The following COL8A1 variants were observed in gnomAD, a reference collection of about 807,000 sequenced individuals.
COL8A1 encodes the protein collagen alpha-1(VIII) chain.
Under a neutral mutation model 42.7 loss-of-function variants are expected in COL8A1, and 21 were observed. That is an observed-to-expected ratio of 0.49 (90% CI 0.35 to 0.71). The LOEUF is 0.71. COL8A1 is among the 30% of genes least tolerant of loss of function. The pLI is 0.01. For missense variants in COL8A1, 788 were observed against 962.4 expected (o/e 0.82, Z 2.40); for synonymous variants, 367 against 369.1 (o/e 0.99, Z 0.06).
chr3:99,725,901 A>G (rs971716703), intron 1 of COL8A1, among the ~76,000 whole-genome samples: 1 of 152,116 alleles, frequency 6.6e-6, no homozygotes. Flanking sequence ...TTATAGCAGC[A>G]TGATTTATAA....
At chr3:99,709,450 T>C (rs1349078164) in intron 1 of COL8A1, among the ~76,000 whole-genome samples, 2 of 152,194 alleles carry the variant, frequency 1.3e-5, no homozygotes, top group African/African-American at 4.8e-5. Flanking sequence ...GGGACATAGT[T>C]GGGTTTTCAA....
intron 1 of COL8A1, among the ~76,000 whole-genome samples, chr3:99,725,156 T>C (rs1419963418): frequency 1.3e-5 from 2 of 152,024 alleles, no homozygotes; most frequent in Non-Finnish European, 2.9e-5. Context: ...AATCAAATTT[T>C]ACCTTGGATT....
chr3:99,736,875 T>C (rs550446021), intron 1 of COL8A1, among the ~76,000 whole-genome samples: 1 of 152,304 alleles, frequency 6.6e-6, no homozygotes, highest in Admixed American at 6.5e-5. Flanking sequence ...CTAAGTCTCT[T>C]TGTAGGTCAT....
intron 1 of COL8A1, among the ~76,000 whole-genome samples, chr3:99,653,962 T>G (rs1337618495): frequency 1.3e-5 from 2 of 152,092 alleles, no homozygotes; most frequent in Non-Finnish European, 2.9e-5. Flanking sequence ...GTCTGCAAGC[T>G]GGGGAGCAAG....
chr3:99,795,784 C>A lies in COL8A1; in HGVS notation c.1883C>A (p.Pro628Gln). The A allele has an allele frequency of 6.2e-7, 1 of 1,614,072 alleles. No individual in the cohort carries two copies. Among genetic ancestry groups the A allele is most frequent in the Admixed American group, 1.7e-5 (1 of 60,030 alleles). ...GCCGAGCTAACCGCACCTTTCCCACCGGTGGGGGCCCCAGTGAAGTTTAAC... is the reference window on the plus strand; with the variant it reads ...GCCGAGCTAACCGCACCTTTCCCACAGGTGGGGGCCCCAGTGAAGTTTAAC... ...FTAELTAPFP[P>Q]VGAPVKFNKL... is the part of the protein sequence containing the mutation. The change falls in exon 4 of 4, where the codon CCG becomes CAG. Residue 628 changes from proline to glutamine, a missense_variant. Physicochemically the swap from Pro to Gln is moderately conservative, Grantham distance 76. This residue lies in a region of COL8A1 where 212 missense variants were observed against 210.9 expected (regional missense o/e 1.00). Transcript: ENST00000652472.
At chr3:99,677,534 C>A (rs1184412103) in intron 1 of COL8A1, among the ~76,000 whole-genome samples, 1 of 152,112 alleles carries the variant, frequency 6.6e-6, no homozygotes. Flanking sequence ...CTCTTAAAGG[C>A]ATAATCTTAC....
intron 1 of COL8A1, among the ~76,000 whole-genome samples, chr3:99,699,877 G>A (rs1474813005): frequency 6.6e-6 from 1 of 152,068 alleles, no homozygotes; most frequent in Non-Finnish European, 1.5e-5. Flanking sequence ...AACATTTTAA[G>A]TACAGATCAA....
chr3:99,690,599 A>G (rs1161762920), intron 1 of COL8A1, among the ~76,000 whole-genome samples: 2 of 152,226 alleles, frequency 1.3e-5, no homozygotes, highest in East Asian at 3.8e-4. Context: ...GATGATGAAC[A>G]TGAAAGACAA....
At chr3:99,702,433 T>C (rs1939567300) in intron 1 of COL8A1, among the ~76,000 whole-genome samples, 2 of 152,212 alleles carry the variant, frequency 1.3e-5, no homozygotes, top group South Asian at 4.1e-4. Context: ...TAGAGTCTAG[T>C]TGCCTCTAGT....
intron 1 of COL8A1, among the ~76,000 whole-genome samples, chr3:99,693,395 A>G (rs1939279002): frequency 6.6e-6 from 1 of 152,352 alleles, no homozygotes; most frequent in Admixed American, 6.5e-5. Flanking sequence ...GGCATAGGAT[A>G]TGACAGTTCC....
chr3:99,749,823 G>T (rs539974664), intron 2 of COL8A1, among the ~76,000 whole-genome samples: 1 of 152,068 alleles, frequency 6.6e-6, no homozygotes, highest in East Asian at 1.9e-4. Context: ...AACAAGGAGA[G>T]ATGAAAGCAA....
intron 1 of COL8A1, among the ~76,000 whole-genome samples, chr3:99,733,072 C>G (rs1940570005): frequency 6.6e-6 from 1 of 150,690 alleles, no homozygotes; most frequent in South Asian, 2.1e-4. Context: ...TTGGGCAACT[C>G]TACTCCTGTG....
In COL8A1 at chr3:99,794,677, T is replaced by G. The variant is rs376231356; in HGVS notation, c.776T>G (p.Met259Arg). 1.1e-5 allele frequency: 17 copies of G among 1,613,064 alleles called. No homozygotes were observed. The highest frequency in any genetic ancestry group is 2.7e-5 in the African/African-American group (2 of 74,696). The change falls in exon 4 of 4, where the codon ATG becomes AGG. Residue 259 changes from methionine (M) to arginine (R), a missense_variant. Physicochemically the swap from Met to Arg is moderately conservative, Grantham distance 91. Around this residue, in one of 4 missense-constraint regions of COL8A1, gnomAD observed 421 missense variants for 553.1 expected, o/e 0.76. Coordinates refer to ENST00000652472, the MANE Select transcript of COL8A1 (RefSeq NM_020351.4). The surrounding 1 kb of genome is among the most constrained non-coding windows in gnomAD (Gnocchi z 4.3). ...CCAGGTGTAAAGGGGCCTCCAGGGA[T>G]GCACGGCCCTCCCGGCCCTGTTGGA... ...GAPGVKGPPG[M>R]HGPPGPVGLP...
At chr3:99,683,378 G>A (rs1938948783) in intron 1 of COL8A1, among the ~76,000 whole-genome samples, 2 of 151,874 alleles carry the variant, frequency 1.3e-5, no homozygotes, top group African/African-American at 4.8e-5. Context: ...TGGAAAAGAA[G>A]GAAAAGAAAA....
intron 1 of COL8A1, among the ~76,000 whole-genome samples, chr3:99,742,207 T>C (rs1940917360): frequency 1.3e-5 from 2 of 152,228 alleles, no homozygotes; most frequent in African/African-American, 2.4e-5. Context: ...TTTTCATCCT[T>C]AGATTTCCAT....
At chr3:99,726,449 C>T (rs1168375408) in intron 1 of COL8A1, among the ~76,000 whole-genome samples, 2 of 151,284 alleles carry the variant, frequency 1.3e-5, no homozygotes, top group African/African-American at 2.4e-5. Context: ...GCTTTTGTTG[C>T]CATTGCTTTT....
chr3:99,674,428 G>A (rs1248738170), intron 1 of COL8A1, among the ~76,000 whole-genome samples: 1 of 150,862 alleles, frequency 6.6e-6, no homozygotes, highest in African/African-American at 2.4e-5. Flanking sequence ...GAGATAAAGT[G>A]TATTGTCTCC....
At chr3:99,751,786 T>C (rs2107413894) in intron 2 of COL8A1, among the ~76,000 whole-genome samples, 1 of 152,266 alleles carries the variant, frequency 6.6e-6, no homozygotes, top group South Asian at 2.1e-4. Flanking sequence ...CTTATAAAGT[T>C]AAAACTAAAA....
chr3:99,683,584 G>A (rs1362909999), intron 1 of COL8A1, among the ~76,000 whole-genome samples: 1 of 152,074 alleles, frequency 6.6e-6, no homozygotes, highest in East Asian at 1.9e-4. Flanking sequence ...CAGCTCTTGA[G>A]GGACACGATA....
Sources: allele counts gnomAD v4.1 joint callset (sites outside exome capture counted in the v4.1 genomes callset), GRCh38; gene constraint gnomAD v4.1.1; regional missense constraint gnomAD v4.1.1; non-coding constraint Gnocchi (gnomAD v3.1); transcripts MANE v1.5; gene names NCBI Gene and HGNC (gene_info 2026-07-23, HGNC 2026-07-21).